The following PDXDC1 variants were observed in gnomAD, a reference collection of about 807,000 sequenced individuals.
PDXDC1 encodes the protein pyridoxal-dependent decarboxylase domain-containing protein 1.
In PDXDC1, 42 loss-of-function variants were observed where a neutral mutation model predicts 100.1. The ratio of observed to expected loss-of-function variants is 0.42; its 90% confidence interval spans 0.33 to 0.54. PDXDC1 has a LOEUF of 0.54. Ranked by LOEUF, PDXDC1 falls within the 20% of genes least tolerant of loss-of-function variation. PDXDC1 has a pLI of 0.10. For synonymous variants in PDXDC1, 260 were observed against 371.7 expected, an observed-to-expected ratio of 0.70 and a Z score of 3.46; for missense variants, 636 against 979.2, an observed-to-expected ratio of 0.65 and a Z score of 4.68.
chr16:15,143,499 C>T (rs975992361), downstream of PDXDC1, among the ~76,000 whole-genome samples: 4 of 152,200 alleles, frequency 2.6e-5, no homozygotes, highest in African/African-American at 4.8e-5. Flanking sequence ...CGGGCCCCCT[C>T]GCCCTGGAGC....
chr16:14,992,741 A>G (rs569890163), intron 1 of PDXDC1, among the ~76,000 whole-genome samples: 1 of 152,372 alleles, frequency 6.6e-6, no homozygotes, highest in Admixed American at 6.5e-5. Context: ...TTGGCACCTC[A>G]TTGTCGTTTA....
intron 16 of PDXDC1, among the ~76,000 whole-genome samples, chr16:15,088,197 G>C (rs1321033418): frequency 1.3e-5 from 2 of 152,136 alleles, no homozygotes; most frequent in African/African-American, 2.4e-5. Flanking sequence ...TAGCAGGCAG[G>C]AACAGTGGCT....
At chr16:15,044,432 G>C (rs749121976) in intron 16 of PDXDC1, 2 of 1,542,978 alleles carry the variant, frequency 1.3e-6, no homozygotes, top group South Asian at 1.1e-5. Flanking sequence ...AGACGGGTCA[G>C]AGGCCAGAAG....
chr16:15,148,370 ATTTTTTTTTTTTTTTT>A, the PDXDC1 span, among the ~76,000 whole-genome samples: 8 of 34,118 alleles, frequency 2.3e-4, no homozygotes, highest in East Asian at 1.0e-3. Context: ...AGATCCTGTG[ATTTTTTTTTTTTTTTT>A]TTTTTTTTTT....
At chr16:15,081,009 T>C (rs1272709832) in intron 16 of PDXDC1, among the ~76,000 whole-genome samples, 1 of 152,202 alleles carries the variant, frequency 6.6e-6, no homozygotes. Context: ...AGTCATATAA[T>C]ACACAGTCTT....
At chr16:15,057,641 C>T (rs913871787) in intron 16 of PDXDC1, among the ~76,000 whole-genome samples, 5 of 152,226 alleles carry the variant, frequency 3.3e-5, no homozygotes, top group African/African-American at 1.2e-4. Flanking sequence ...GACCAGCAGG[C>T]TGGCCTGGAG....
chr16:15,032,265 T>A, intron 17 of PDXDC1: 1 of 255,448 alleles, frequency 3.9e-6, no homozygotes, highest in Admixed American at 4.6e-5. Context: ...GAGAACTGGG[T>A]GCAGTCCTAT....
At chr16:14,985,651 C>CA (rs1270376704) in intron 1 of PDXDC1, among the ~76,000 whole-genome samples, 2 of 152,270 alleles carry the variant, frequency 1.3e-5, no homozygotes, top group African/African-American at 4.8e-5. Context: ...CCTCCTTTAC[C>CA]ATCTTACCTT....
In PDXDC1 at chr16:15,068,437, T is replaced by C. The variant is rs555106796; in HGVS notation, c.1399+38381T>C. 3.9e-5 allele frequency among the ~76,000 whole-genome samples: 6 copies of C among 152,316 alleles called. No homozygotes were observed. The South Asian group carries it at 8.3e-4, about 21-fold the overall frequency. ...GGTCCATGCAGATAGTCACACAGTA[T>C]ATGGCCCAGAAGAGTATCACTAGGC... On this transcript the variant is annotated intron_variant, in intron 16 of 16. Transcript: ENST00000535621.
chr16:15,075,335 G>A (rs2045408321), intron 16 of PDXDC1, among the ~76,000 whole-genome samples: 1 of 151,538 alleles, frequency 6.6e-6, no homozygotes, highest in South Asian at 2.1e-4. Context: ...CACTTTGGGA[G>A]GCCAAGGCAG....
chr16:15,137,244 G>C lies in PDXDC1; in HGVS notation c.1400-1635G>C, dbSNP rs1270461125. 2.7e-3 allele frequency: 2,165 copies of C among 801,960 alleles called. 8 individuals carry two copies. The highest frequency in any genetic ancestry group is 9.1e-3 in the African/African-American group (479 of 52,578). 49.7% of individuals were successfully genotyped at this position (801,960 alleles called of 1,614,324 possible). A position where few individuals can be genotyped will look rare whatever the true frequency, so the allele number is the denominator to read the frequency against. ...AGGGGTCCGTGGGGCCCCACCAGGG[G>C]GGCCCCTGGGGAGGCAGGGAAGACG... On this transcript the variant is annotated intron_variant, in intron 16 of 16. Coordinates refer to the PDXDC1 transcript ENST00000535621.
chr16:15,127,393 G>C (rs561271751), intron 16 of PDXDC1: 70 of 1,184,882 alleles, frequency 5.9e-5, no homozygotes, highest in South Asian at 4.3e-4. Context: ...TGCAGCACTG[G>C]AAAGTGGCGG....
chr16:15,149,914 G>A, the PDXDC1 span, among the ~76,000 whole-genome samples: 1 of 152,144 alleles, frequency 6.6e-6, no homozygotes, highest in Non-Finnish European at 1.5e-5. Context: ...AAACACAAAG[G>A]ACACACTCAC....
At chr16:15,041,717 T>A, downstream of PDXDC1, 1 of 1,455,874 alleles carries the variant, frequency 6.9e-7, no homozygotes, top group Non-Finnish European at 9.7e-7. Flanking sequence ...GAAAAGTTCC[T>A]CTAGTTACCA....
intron 16 of PDXDC1, among the ~76,000 whole-genome samples, chr16:15,099,237 A>G (rs913674780): frequency 3.9e-5 from 6 of 152,010 alleles, no homozygotes; most frequent in Admixed American, 2.0e-4. Flanking sequence ...AGCTGGGCCA[A>G]CATGGTGAAA....
chr16:15,133,937 C>T (rs1002104299), intron 16 of PDXDC1: 24 of 1,445,974 alleles, frequency 1.7e-5, no homozygotes, highest in African/African-American at 7.0e-5. Flanking sequence ...GGCCCAGCAC[C>T]GTCAGCGTGA....
chr16:15,143,512 C>T (rs966554137), downstream of PDXDC1, among the ~76,000 whole-genome samples: 13 of 152,294 alleles, frequency 8.5e-5, no homozygotes, highest in Admixed American at 3.3e-4. Context: ...CCTGGAGCCT[C>T]GGCCCCTCAG....
chr16:14,999,823 T>G (rs1030675692), intron 3 of PDXDC1, among the ~76,000 whole-genome samples: 7 of 152,382 alleles, frequency 4.6e-5, no homozygotes, highest in South Asian at 2.1e-4. Context: ...AATCTGGGAT[T>G]AGTATCCCAG....
intron 16 of PDXDC1, chr16:15,061,035 C>A (rs1306928356): frequency 1.3e-5 from 2 of 152,160 alleles, no homozygotes; most frequent in African/African-American, 4.8e-5. Context: ...CTTTTAAATC[C>A]ATTTTTTCGC....
Sources: allele counts gnomAD v4.1 joint callset (sites outside exome capture counted in the v4.1 genomes callset), GRCh38; gene constraint gnomAD v4.1.1; transcripts MANE v1.5; gene names NCBI Gene and HGNC (gene_info 2026-07-23, HGNC 2026-07-21).